The following ATXN1 variants were observed in gnomAD, a reference collection of about 807,000 sequenced individuals.
The protein encoded by ATXN1 is ataxin 1, also known as ataxin-1.
A neutral mutation model predicts 56.4 loss-of-function variants in ATXN1; 8 were observed. The observed-to-expected ratio is 0.14, with a 90% CI of 0.08 to 0.26. The LOEUF (loss-of-function observed/expected upper bound fraction) is 0.26, where lower values mean the gene tolerates loss of function less well. Ranked by LOEUF, ATXN1 falls within the 10% of genes least tolerant of loss-of-function variation. ATXN1 has a pLI of 1.00. For missense variants in ATXN1, 987 were observed against 1,106.5 expected (o/e 0.89, Z 1.53); for synonymous variants, 514 against 494.6 (o/e 1.04, Z -0.52).
In ATXN1 at chr6:16,403,028, C is replaced by T. The variant is rs550997563; in HGVS notation, c.-160-74558G>A. 5.9e-5 allele frequency among the ~76,000 whole-genome samples: 9 copies of T among 152,228 alleles called. 1 individual carries two copies. In the South Asian group the frequency reaches 1.9e-3, roughly 32 times the overall value. ...ATTTTTTTTAACTCTCTTAAAACAG[C>T]GCTTTGAATTTTGAACATCTTGATT... is the stretch of plus-strand genomic sequence containing the variant. On this transcript the variant is annotated intron_variant, in intron 6 of 7. Transcript: ENST00000436367.
chr6:16,583,417 C>A (rs1274066422), intron 4 of ATXN1, among the ~76,000 whole-genome samples: 2 of 152,224 alleles, frequency 1.3e-5, no homozygotes, highest in African/African-American at 2.4e-5. Flanking sequence ...AACCTACAGC[C>A]TTCCCCTTCA....
chr6:16,526,283 A>T (rs10807591), intron 4 of ATXN1, among the ~76,000 whole-genome samples: 48,637 of 151,908 alleles, frequency 0.32, 7,841 homozygotes, highest in Admixed American at 0.35. Flanking sequence ...TCCCAAGTTT[A>T]TAAGAAGTGA....
intron 4 of ATXN1, among the ~76,000 whole-genome samples, chr6:16,567,795 C>T (rs911223524): frequency 6.6e-5 from 10 of 151,876 alleles, no homozygotes; most frequent in Non-Finnish European, 1.2e-4. Context: ...TAGAAATAAA[C>T]AAGGTGTGTA....
chr6:16,657,209 A>G (rs1758222944), intron 3 of ATXN1, among the ~76,000 whole-genome samples: 1 of 151,926 alleles, frequency 6.6e-6, no homozygotes. Context: ...GGATGATCTC[A>G]ATCTCCTGAC....
intron 4 of ATXN1, among the ~76,000 whole-genome samples, chr6:16,523,243 G>A (rs933590192): frequency 6.6e-6 from 1 of 152,094 alleles, no homozygotes; most frequent in African/African-American, 2.4e-5. Context: ...TTGTTACCCG[G>A]GTTTGTCATA....
intron 3 of ATXN1, among the ~76,000 whole-genome samples, chr6:16,593,706 C>T (rs1044910765): frequency 6.6e-6 from 1 of 151,902 alleles, no homozygotes; most frequent in Non-Finnish European, 1.5e-5. Flanking sequence ...TCTTTTGTGA[C>T]TAGTTTTTTT....
chr6:16,613,976 CA>C (rs1390879813), intron 3 of ATXN1, among the ~76,000 whole-genome samples: 2 of 151,076 alleles, frequency 1.3e-5, no homozygotes, highest in Non-Finnish European at 2.9e-5. Flanking sequence ...ATATAACAAC[CA>C]AAAAATGACA....
intron 3 of ATXN1, among the ~76,000 whole-genome samples, chr6:16,650,526 C>T (rs1017785356): frequency 6.6e-6 from 1 of 152,162 alleles, no homozygotes; most frequent in African/African-American, 2.4e-5. Flanking sequence ...TTTGTCACTG[C>T]TTTGTAATCA....
intron 2 of ATXN1, among the ~76,000 whole-genome samples, chr6:16,674,443 G>T (rs1758617057): frequency 1.4e-5 from 2 of 143,718 alleles, no homozygotes; most frequent in Admixed American, 1.5e-4. Flanking sequence ...TCCGCCTCAT[G>T]GGTTCAAGCG....
intron 1 of ATXN1, among the ~76,000 whole-genome samples, chr6:16,755,769 G>A (rs1760870019): frequency 6.6e-6 from 1 of 151,302 alleles, no homozygotes; most frequent in South Asian, 2.1e-4. Flanking sequence ...CATCACAATC[G>A]GGGAAACCTC....
chr6:16,703,987 C>A (rs911115268), intron 2 of ATXN1, among the ~76,000 whole-genome samples: 3 of 152,210 alleles, frequency 2.0e-5, no homozygotes, highest in Non-Finnish European at 2.9e-5. Context: ...CCACTGCACT[C>A]CAGTGCAGGC....
chr6:16,685,158 A>C (rs1003208892), intron 2 of ATXN1, among the ~76,000 whole-genome samples: 3 of 151,606 alleles, frequency 2.0e-5, no homozygotes, highest in East Asian at 3.8e-4. Context: ...TCAATCTGTT[A>C]AGTGTATTGT....
At chr6:16,421,861 C>T (rs544112703) in intron 6 of ATXN1, among the ~76,000 whole-genome samples, 193 of 152,278 alleles carry the variant, frequency 1.3e-3, no homozygotes, top group African/African-American at 4.5e-3. Flanking sequence ...TATATGTACA[C>T]TGCAGGGGCA....
intron 6 of ATXN1, among the ~76,000 whole-genome samples, chr6:16,341,002 T>C (rs867897583): frequency 2.6e-5 from 4 of 152,154 alleles, no homozygotes; most frequent in Non-Finnish European, 4.4e-5. Flanking sequence ...GTTCAAAGTG[T>C]TGGAGCAATG....
At position 16,760,339 on chromosome 6, in the gene ATXN1, G is replaced by C. The variant is rs987004465; in HGVS notation, c.-730+959C>G. On this transcript the variant is annotated intron_variant, in intron 1 of 7. Coordinates refer to ENST00000436367, the MANE Select transcript of ATXN1 (RefSeq NM_001128164.2). The surrounding 1 kb of genome is among the most constrained non-coding windows in gnomAD (Gnocchi z 5.3). ...CCCGGCTCAGGGCAGCGCCTGCCGC[G>C]GCTCCTCGTCTCCTGCCGCGGGTGC... 1.8e-4 allele frequency among the ~76,000 whole-genome samples: 27 copies of C among 151,888 alleles called. No individual in the cohort carries two copies. Among genetic ancestry groups the C allele is most frequent in the Non-Finnish European group, 3.8e-4 (26 of 67,920 alleles).
At position 16,506,670 on chromosome 6, in the gene ATXN1, G is replaced by A. The variant is rs1221368993; in HGVS notation, c.-299+15957C>T. On this transcript the variant is annotated intron_variant, in intron 5 of 7. Coordinates refer to ENST00000436367, the MANE Select transcript of ATXN1 (RefSeq NM_001128164.2). The surrounding 1 kb of genome is among the most constrained non-coding windows in gnomAD (Gnocchi z 4.1). ...ACTCTGCAATTCCCAGGTCAAAGAT[G>A]TGAAATGAACATTATCATTATTTGT... 2.0e-5 allele frequency among the ~76,000 whole-genome samples: 3 copies of A among 152,174 alleles called. No homozygotes were observed. Among genetic ancestry groups the A allele is most frequent in the East Asian group, 1.9e-4 (1 of 5,200 alleles).
intron 4 of ATXN1, among the ~76,000 whole-genome samples, chr6:16,553,508 T>C (rs954402357): frequency 6.6e-6 from 1 of 152,212 alleles, no homozygotes; most frequent in African/African-American, 2.4e-5. Flanking sequence ...CACTCTCCTA[T>C]AATAACTATA....
chr6:16,583,166 G>T (rs927346419), intron 4 of ATXN1, among the ~76,000 whole-genome samples: 1 of 152,114 alleles, frequency 6.6e-6, no homozygotes, highest in Admixed American at 6.6e-5. Flanking sequence ...TCTTAATTAG[G>T]AATTCAGATA....
At chr6:16,462,200 C>T (rs771612365) in intron 6 of ATXN1, among the ~76,000 whole-genome samples, 2 of 152,146 alleles carry the variant, frequency 1.3e-5, no homozygotes, top group African/African-American at 2.4e-5. Context: ...CTCAGTAATC[C>T]TCTCTACCCC....
Sources: gnomAD v4.1 joint callset for allele counts (sites outside exome capture counted in the v4.1 genomes callset) on GRCh38, gnomAD v4.1.1 for gene constraint, Gnocchi (gnomAD v3.1) non-coding constraint, MANE v1.5 for transcripts, NCBI Gene and HGNC (gene_info 2026-07-23, HGNC 2026-07-21) for gene names.